Variants in SHANK1 observed in about 807,000 individuals in gnomAD.
SHANK1 encodes the protein SH3 and multiple ankyrin repeat domains 1, also known as SH3 and multiple ankyrin repeat domains protein 1.
A neutral mutation model predicts 165.6 loss-of-function variants in SHANK1; 35 were observed. That is an observed-to-expected ratio of 0.21 (90% CI 0.16 to 0.28). SHANK1 has a LOEUF of 0.28. SHANK1 is among the 10% of genes least tolerant of loss of function. SHANK1 has a pLI of 1.00. For missense variants in SHANK1, 2,681 were observed against 3,036.4 expected (o/e 0.88, Z 2.75); for synonymous variants, 1,428 against 1,384.8 (o/e 1.03, Z -0.69).
rs1049717204 is a variant in SHANK1 at position 50,659,613 on chromosome 19, T to C, written c.*2352A>G. On this transcript the variant is annotated 3_prime_UTR_variant, in exon 24 of 24. Transcript: ENST00000293441. Reference sequence around the variant, plus strand: ...TCGGGCTTTTATTTCAGGTTTTTTTTCTGGATTTTTTTGTGTGTTCTAGGG... The same window carrying C: ...TCGGGCTTTTATTTCAGGTTTTTTTCCTGGATTTTTTTGTGTGTTCTAGGG... Among the ~76,000 whole-genome samples, 1 of 148,362 alleles carries C rather than the reference T, an allele frequency of 6.7e-6. No individual in the cohort carries two copies. The highest frequency in any genetic ancestry group is 2.5e-5 in the African/African-American group (1 of 40,476).
intron 21 of SHANK1, among the ~76,000 whole-genome samples, chr19:50,675,196 C>T (rs1368677488): frequency 6.6e-6 from 1 of 152,136 alleles, no homozygotes; most frequent in Non-Finnish European, 1.5e-5. Context: ...GATTGTGCCA[C>T]TGCACTCCAG....
rs534507749 is a variant in SHANK1 at position 50,718,417 on chromosome 19, G to T, written c.-44+989C>A. On this transcript the variant is annotated intron_variant, in intron 1 of 23. Transcript: ENST00000293441. The surrounding 1 kb of genome is among the most constrained non-coding windows in gnomAD (Gnocchi z 5.1). Reference sequence around the variant, plus strand: ...ACCCCCAGCCTCAACCCCGCTCGGAGGGGGTGGCCGGTGGGATGAAAGAAA... The same window carrying T: ...ACCCCCAGCCTCAACCCCGCTCGGATGGGGTGGCCGGTGGGATGAAAGAAA... Among the ~76,000 whole-genome samples, 31 of 152,152 alleles carry T rather than the reference G, an allele frequency of 2.0e-4. No individual in the cohort carries two copies. Among genetic ancestry groups the T allele is most frequent in the Admixed American group, 1.8e-3 (28 of 15,284 alleles).
intron 23 of SHANK1, among the ~76,000 whole-genome samples, chr19:50,665,398 C>A (rs962786721): frequency 4.0e-5 from 6 of 151,706 alleles, no homozygotes; most frequent in African/African-American, 1.2e-4. Context: ...AACCCCTCAT[C>A]TCTACTAAAA....
rs938269255 is a variant in SHANK1 at position 50,673,179 on chromosome 19, C to T, written c.2578-1065G>A. 7.0e-4 allele frequency among the ~76,000 whole-genome samples: 107 copies of T among 152,228 alleles called. 1 individual carries two copies. The highest frequency in any genetic ancestry group is 2.5e-3 in the African/African-American group (104 of 41,540). On this transcript the variant is annotated intron_variant, in intron 21 of 23. Coordinates refer to ENST00000293441, the MANE Select transcript of SHANK1 (RefSeq NM_016148.5). ...CTGACCCCATGGGTTCCCACTCCAG[C>T]GTGAACCGTGTCTGCTTGACTTCCT...
intron 11 of SHANK1, among the ~76,000 whole-genome samples, 196 bp downstream of exon 11, chr19:50,703,304 C>A (rs908898447): frequency 2.0e-5 from 3 of 152,224 alleles, no homozygotes; most frequent in East Asian, 3.9e-4. Flanking sequence ...GAGCAGACAT[C>A]CAGCTAACAT....
intron 19 of SHANK1, chr19:50,687,166 C>T (rs1176076589): frequency 1.1e-5 from 6 of 539,288 alleles, no homozygotes; most frequent in Non-Finnish European, 1.9e-5. Context: ...GTCCGACCAG[C>T]CCCCTGTCAG....
intron 8 of SHANK1, among the ~76,000 whole-genome samples, chr19:50,705,795 T>C (rs1568442866): frequency 1.3e-5 from 2 of 152,146 alleles, no homozygotes; most frequent in Admixed American, 1.3e-4. Flanking sequence ...GCTCATTGAA[T>C]TGCCCAACAA....
intron 21 of SHANK1, among the ~76,000 whole-genome samples, chr19:50,674,987 G>A (rs1279937944): frequency 1.3e-5 from 2 of 150,712 alleles, no homozygotes; most frequent in African/African-American, 2.4e-5. Flanking sequence ...ACTTGAACCC[G>A]GGAGGCGGAG....
chr19:50,687,484 C>T lies in SHANK1; in HGVS notation c.2389+98G>A, dbSNP rs1257253917. ...ACTGGGGACAGGATGAGGACAAGGA[C>T]CCCTGGTCACTAACAACACTAACGA... On this transcript the variant is annotated intron_variant, in intron 19 of 23. Coordinates refer to ENST00000293441, the MANE Select transcript of SHANK1 (RefSeq NM_016148.5). 4 of 920,142 alleles carry T rather than the reference C, an allele frequency of 4.3e-6. No homozygotes were observed. In the East Asian group the frequency reaches 1.1e-4, roughly 25 times the overall value. 57.0% of individuals were successfully genotyped at this position (920,142 alleles called of 1,614,324 possible). A position where few individuals can be genotyped will look rare whatever the true frequency, so the allele number is the denominator to read the frequency against.
At position 50,702,424 on chromosome 19, in the gene SHANK1, CCA is replaced by C. The variant is rs1986946947; in HGVS notation, c.1747+41_1747+42del. ...TGCTCCACATTTTCCCTGATCGCCC[CCA>C]CAGCCCAGCCCAGCCCAGGCCCTGC... On this transcript the variant is annotated intron_variant, in intron 12 of 23. Coordinates refer to ENST00000293441, the MANE Select transcript of SHANK1 (RefSeq NM_016148.5). This position sits in a 1 kb window ranked among gnomAD's most constrained non-coding sequence, Gnocchi z 5.3. The C allele has an allele frequency of 2.6e-6, 4 of 1,551,784 alleles. No homozygotes were observed. The South Asian group carries it at 4.8e-5, about 19-fold the overall frequency.
At chr19:50,707,876 T>TTTTTTTCTTTTC (rs2088958078) in intron 8 of SHANK1, among the ~76,000 whole-genome samples, 5 of 95,102 alleles carry the variant, frequency 5.3e-5, no homozygotes, top group Non-Finnish European at 8.5e-5. Flanking sequence ...CTTTTGCGTG[T>TTTTTTTCTTTTC]TTTTCTTTTC....
rs1985740388 is a variant in SHANK1 at position 50,670,161 on chromosome 19, C to T, written c.2675-876G>A. 1.3e-5 allele frequency among the ~76,000 whole-genome samples: 2 copies of T among 152,128 alleles called. No individual in the cohort carries two copies. The highest frequency in any genetic ancestry group is 2.1e-4 in the South Asian group (1 of 4,832). ...ACGCTCCAACCCAAGCTCCTGATCT[C>T]CTCACCAACAGACTCCTCCCAGCCC... On this transcript the variant is annotated intron_variant, in intron 22 of 23. Transcript: ENST00000293441. This position sits in a 1 kb window ranked among gnomAD's most constrained non-coding sequence, Gnocchi z 4.1.
chr19:50,674,593 G>A (rs561542980), intron 21 of SHANK1, among the ~76,000 whole-genome samples: 1 of 151,966 alleles, frequency 6.6e-6, no homozygotes, highest in Non-Finnish European at 1.5e-5. Flanking sequence ...CCGGCTACCC[G>A]CTTCCTTTAG....
intron 21 of SHANK1, among the ~76,000 whole-genome samples, chr19:50,681,025 G>T (rs571108244): frequency 4.6e-5 from 7 of 152,108 alleles, no homozygotes; most frequent in African/African-American, 1.7e-4. Flanking sequence ...GAAGCCTCGG[G>T]GGGTACTGCA....
In SHANK1 at chr19:50,711,694, C is replaced by T. The variant is rs1002162356; in HGVS notation, c.961-207G>A. On this transcript the variant is annotated intron_variant, in intron 7 of 23. Coordinates refer to ENST00000293441, the MANE Select transcript of SHANK1 (RefSeq NM_016148.5). ...ATGTTCAGTCATTCCAAGGCCCAGGCGTCTGGTCTGCCTCCTTAAGGGGGT... is the reference window on the plus strand; with the variant it reads ...ATGTTCAGTCATTCCAAGGCCCAGGTGTCTGGTCTGCCTCCTTAAGGGGGT... Among the ~76,000 whole-genome samples the T allele has an allele frequency of 1.1e-4, 16 of 152,346 alleles. No homozygotes were observed. The East Asian group carries it at 1.3e-3, about 13-fold the overall frequency.
chr19:50,661,421 G>A lies in SHANK1; in HGVS notation c.*544C>T, dbSNP rs1040520582. Among the ~76,000 whole-genome samples, 4 of 151,998 alleles carry A rather than the reference G, an allele frequency of 2.6e-5. No individual in the cohort carries two copies. Among genetic ancestry groups the A allele is most frequent in the South Asian group, 2.1e-4 (1 of 4,812 alleles). ...GCAAATTTGTGCAAAATTGCAGCCC[G>A]GGGACGGGAGGGGAGAGAGGTGAGC... On this transcript the variant is annotated 3_prime_UTR_variant, in exon 24 of 24. Coordinates refer to ENST00000293441, the MANE Select transcript of SHANK1 (RefSeq NM_016148.5).
In SHANK1 at chr19:50,688,785, A is replaced by C; in HGVS notation, c.2172+59T>G. 1 of 1,557,918 alleles carries C rather than the reference A, an allele frequency of 6.4e-7. No individual in the cohort carries two copies. The highest frequency in any genetic ancestry group is 8.7e-7 in the Non-Finnish European group (1 of 1,146,094). On this transcript the variant is annotated intron_variant, in intron 17 of 23. Transcript: ENST00000293441. This position sits in a 1 kb window ranked among gnomAD's most constrained non-coding sequence, Gnocchi z 6.7. ...GGGCAGCCAGATCCTGGTGTGAATC[A>C]TGAGGGGGTCTGGGAACTTGTCACA...
intron 22 of SHANK1, 113 bp downstream of exon 22, chr19:50,671,905 G>T: frequency 1.3e-6 from 1 of 794,910 alleles, no homozygotes; most frequent in East Asian, 2.7e-5. Flanking sequence ...CCAATTTGAT[G>T]AAACTATGGT....
chr19:50,669,759 G>C (rs1568428854), intron 22 of SHANK1, among the ~76,000 whole-genome samples: 1 of 145,896 alleles, frequency 6.9e-6, no homozygotes, highest in Non-Finnish European at 1.5e-5. Flanking sequence ...AAGTTTAAAA[G>C]GGATTGGATC....
Sources: gnomAD v4.1 joint callset for allele counts (sites outside exome capture counted in the v4.1 genomes callset) on GRCh38, gnomAD v4.1.1 for gene constraint, Gnocchi (gnomAD v3.1) non-coding constraint, MANE v1.5 for transcripts, NCBI Gene and HGNC (gene_info 2026-07-23, HGNC 2026-07-21) for gene names.